DISC1: variants seen among roughly 807,000 people sequenced by gnomAD.
DISC1 encodes the protein DISC1 scaffold protein, also known as disrupted in schizophrenia 1 protein.
A neutral mutation model predicts 84.5 loss-of-function variants in DISC1; 57 were observed. The observed-to-expected ratio is 0.67, with a 90% CI of 0.55 to 0.84. DISC1 has a LOEUF of 0.84. DISC1 is among the 40% of genes least tolerant of loss of function. The pLI is 0.00. For missense variants in DISC1, 1,000 were observed against 1,057.8 expected (o/e 0.95, Z 0.76); for synonymous variants, 411 against 415.2 (o/e 0.99, Z 0.12).
intron 1 of DISC1, among the ~76,000 whole-genome samples, chr1:231,683,588 C>G (rs1386342163): frequency 6.6e-6 from 1 of 151,116 alleles, no homozygotes; most frequent in Admixed American, 6.6e-5. Flanking sequence ...ACCAACCCTT[C>G]TGTGAACACC....
chr1:231,871,772 T>C (rs1251825940), intron 9 of DISC1, among the ~76,000 whole-genome samples: 1 of 152,162 alleles, frequency 6.6e-6, no homozygotes, highest in Non-Finnish European at 1.5e-5. Context: ...GCGTGTGGTA[T>C]GTGTGGCATG....
chr1:231,644,644 C>T (rs545579529), intron 1 of DISC1, among the ~76,000 whole-genome samples: 4 of 152,136 alleles, frequency 2.6e-5, no homozygotes, highest in African/African-American at 7.2e-5. Context: ...AATGGCACAA[C>T]CTCCTCAACA....
chr1:231,944,810 A>T (rs1052943932), intron 9 of DISC1: 1 of 152,242 alleles, frequency 6.6e-6, no homozygotes, highest in Non-Finnish European at 1.5e-5. Context: ...CTGATAAAAT[A>T]GACTTTAAAC....
At chr1:231,939,615 T>G (rs2091183440) in intron 9 of DISC1, among the ~76,000 whole-genome samples, 1 of 152,178 alleles carries the variant, frequency 6.6e-6, no homozygotes. Flanking sequence ...CTTCCTTACA[T>G]GCTAATCTTC....
chr1:231,864,250 T>C (rs77828624), intron 9 of DISC1, among the ~76,000 whole-genome samples: 3 of 152,248 alleles, frequency 2.0e-5, no homozygotes, highest in African/African-American at 4.8e-5. Context: ...CATTTTTTTT[T>C]CCTACATCAG....
intron 4 of DISC1, among the ~76,000 whole-genome samples, chr1:231,760,186 A>G (rs1573579319): frequency 6.6e-6 from 1 of 152,222 alleles, no homozygotes; most frequent in East Asian, 1.9e-4. Flanking sequence ...TCATATATAT[A>G]TGGAAGAATT....
At chr1:231,972,166 C>T (rs187976873) in intron 10 of DISC1, among the ~76,000 whole-genome samples, 76 of 152,326 alleles carry the variant, frequency 5.0e-4, no homozygotes, top group African/African-American at 1.6e-3. Context: ...TATTGCTGCT[C>T]AGTAGAATTT....
intron 3 of DISC1, among the ~76,000 whole-genome samples, chr1:231,726,915 C>T (rs991718070): frequency 1.3e-5 from 2 of 152,148 alleles, no homozygotes; most frequent in African/African-American, 4.8e-5. Flanking sequence ...TGAGATTTTA[C>T]CCTTCCCTGC....
At chr1:231,762,726 T>C (rs1038037826) in intron 4 of DISC1, among the ~76,000 whole-genome samples, 11 of 151,964 alleles carry the variant, frequency 7.2e-5, no homozygotes, top group African/African-American at 2.7e-4. Context: ...ATTGAGATCC[T>C]GGGGAGATCA....
At chr1:231,856,623 C>T (rs1168610800) in intron 9 of DISC1, among the ~76,000 whole-genome samples, 1 of 152,132 alleles carries the variant, frequency 6.6e-6, no homozygotes, top group Non-Finnish European at 1.5e-5. Context: ...TGGCTGCGGC[C>T]CAGGGAGCTT....
At chr1:231,663,003 A>G (rs1329655400) in intron 1 of DISC1, among the ~76,000 whole-genome samples, 2 of 152,164 alleles carry the variant, frequency 1.3e-5, no homozygotes, top group African/African-American at 2.4e-5. Flanking sequence ...AACAAAAGAA[A>G]CAAACAAGCA....
intron 8 of DISC1, among the ~76,000 whole-genome samples, chr1:231,817,814 A>G (rs1299949535): frequency 6.6e-6 from 1 of 152,150 alleles, no homozygotes; most frequent in Non-Finnish European, 1.5e-5. Flanking sequence ...GTAACTACCT[A>G]TGAGTCAGGT....
chr1:231,829,350 A>G (rs2082062984), intron 9 of DISC1, among the ~76,000 whole-genome samples: 1 of 152,150 alleles, frequency 6.6e-6, no homozygotes, highest in Non-Finnish European at 1.5e-5. Context: ...AATACATTCA[A>G]CTTGTTTTTT....
chr1:231,999,813 AAAC>A (rs71162205), intron 10 of DISC1, among the ~76,000 whole-genome samples: 4,839 of 150,526 alleles, frequency 0.032, 160 homozygotes, highest in South Asian at 0.091. Context: ...TCAAGCAGAA[AAAC>A]AACAACAACA....
intron 3 of DISC1, among the ~76,000 whole-genome samples, chr1:231,749,244 G>A (rs185834694): frequency 1.4e-3 from 209 of 152,274 alleles, no homozygotes; most frequent in Middle Eastern, 6.8e-3. Context: ...GGGGGTAGGG[G>A]GGCAGGCAGA....
rs540939456 is a variant in DISC1, at chr1:231,985,402, T to C, written c.2043-23383T>C. Among the ~76,000 whole-genome samples the C allele has an allele frequency of 1.1e-3, 173 of 151,774 alleles. 1 individual carries two copies. Among genetic ancestry groups the C allele is most frequent in the Middle Eastern group, 3.5e-3 (1 of 286 alleles). On this transcript the variant is annotated intron_variant, in intron 10 of 12. Transcript: ENST00000439617. ...CCCTTCAGTGTGTTATTATGCAGAC[T>C]GAATGGTATGAAAAGCATGTTTTCA...
intron 3 of DISC1, among the ~76,000 whole-genome samples, chr1:231,744,851 C>T (rs2073784531): frequency 6.6e-6 from 1 of 152,102 alleles, no homozygotes; most frequent in African/African-American, 2.4e-5. Context: ...AAAACACTAC[C>T]TGTTAAACTC....
intron 9 of DISC1, among the ~76,000 whole-genome samples, chr1:231,849,733 G>A (rs149263512): frequency 1.9e-4 from 29 of 152,288 alleles, no homozygotes; most frequent in Admixed American, 3.3e-4. Flanking sequence ...GAAAGAGTCG[G>A]ATACCTTTTC....
intron 9 of DISC1, among the ~76,000 whole-genome samples, chr1:231,877,711 A>G (rs1394659194): frequency 6.6e-6 from 1 of 152,210 alleles, no homozygotes; most frequent in Non-Finnish European, 1.5e-5. Flanking sequence ...CTATCAGCCT[A>G]TTGGTGGAAC....
Sources: gnomAD v4.1 joint callset for allele counts (sites outside exome capture counted in the v4.1 genomes callset) on GRCh38, gnomAD v4.1.1 for gene constraint, MANE v1.5 for transcripts, NCBI Gene and HGNC (gene_info 2026-07-23, HGNC 2026-07-21) for gene names.